BRAP: variants seen among roughly 807,000 people sequenced by gnomAD.
The protein encoded by BRAP is BRCA1-associated protein.
In BRAP, 42 loss-of-function variants were observed where a neutral mutation model predicts 73.4. The ratio of observed to expected loss-of-function variants is 0.57; its 90% confidence interval spans 0.45 to 0.74. BRAP has a LOEUF of 0.74. Ranked by LOEUF, BRAP falls within the 30% of genes least tolerant of loss-of-function variation. The pLI is 0.00. For missense variants in BRAP, 593 were observed against 751.4 expected (o/e 0.79, Z 2.46); for synonymous variants, 255 against 267.4 (o/e 0.95, Z 0.45).
rs1886901422 is a variant in BRAP, at chr12:111,665,385, T to TC, written c.896+253dup. On this transcript the variant is annotated intron_variant, in intron 6 of 11. Transcript: ENST00000419234. This position sits in a 1 kb window ranked among gnomAD's most constrained non-coding sequence, Gnocchi z 4.3. ...TCAAACTAAGCTTTGCTTTTTTTTTTCACTCTCTGGCTCTTGGAAGGAAAG... is the reference window on the plus strand; with the variant it reads ...TCAAACTAAGCTTTGCTTTTTTTTTTCCACTCTCTGGCTCTTGGAAGGAAAG... Among the ~76,000 whole-genome samples the TC allele has an allele frequency of 6.6e-6, 1 of 152,126 alleles. No individual in the cohort carries two copies. The highest frequency in any genetic ancestry group is 1.5e-5 in the Non-Finnish European group (1 of 68,028).
intron 2 of BRAP, among the ~76,000 whole-genome samples, chr12:111,682,590 G>T (rs1438704765): frequency 6.6e-6 from 1 of 151,296 alleles, no homozygotes; most frequent in East Asian, 1.9e-4. Flanking sequence ...ACACATTAAT[G>T]ATCTGCCACT....
Position 111,658,303 on chromosome 12 carries a change from A to AT in BRAP, c.1221+432dup, listed in dbSNP as rs113348013. On this transcript the variant is annotated intron_variant, in intron 9 of 11. Coordinates refer to ENST00000419234, the MANE Select transcript of BRAP (RefSeq NM_006768.5). ...TAACACCTCACAGCAATGACCAAACATTTTTTTTTTTTTTGAGACAGAGTT... is the reference window on the plus strand; with the variant it reads ...TAACACCTCACAGCAATGACCAAACATTTTTTTTTTTTTTTGAGACAGAGTT... Among the ~76,000 whole-genome samples, 336 of 141,630 alleles carry AT rather than the reference A, an allele frequency of 2.4e-3. 1 individual carries two copies. Among genetic ancestry groups the AT allele is most frequent in the South Asian group, 6.5e-3 (29 of 4,484 alleles). 92.9% of individuals were successfully genotyped at this position (141,630 alleles called of 152,430 possible). A position where few individuals can be genotyped will look rare whatever the true frequency, so the allele number is the denominator to read the frequency against.
intron 4 of BRAP, among the ~76,000 whole-genome samples, chr12:111,673,891 C>A (rs574815701): frequency 6.6e-6 from 1 of 152,280 alleles, no homozygotes; most frequent in Non-Finnish European, 1.5e-5. Flanking sequence ...TCTAGTCTAG[C>A]CTTAGTAGCA....
intron 11 of BRAP, among the ~76,000 whole-genome samples, chr12:111,646,007 C>G (rs1164113497): frequency 6.6e-6 from 1 of 151,688 alleles, no homozygotes; most frequent in Admixed American, 6.6e-5. Context: ...CAACCCATAC[C>G]ATCTGAGACC....
At chr12:111,654,156 A>G (rs987996749) in intron 10 of BRAP, among the ~76,000 whole-genome samples, 1 of 152,224 alleles carries the variant, frequency 6.6e-6, no homozygotes, top group Non-Finnish European at 1.5e-5. Context: ...CAACGAGAGC[A>G]TTGGGAGGTG....
In BRAP at chr12:111,679,345, CAAAA is replaced by C. The variant is rs753484325; in HGVS notation, c.444-9_444-6del. 1.5e-6 allele frequency: 2 copies of C among 1,336,708 alleles called. No homozygotes were observed. Among genetic ancestry groups the C allele is most frequent in the East Asian group, 5.5e-5 (2 of 36,544 alleles). The allele number at this position is 1,336,708 out of a possible 1,614,324, so 82.8% of individuals were successfully genotyped here. A position where few individuals can be genotyped will look rare whatever the true frequency, so the allele number is the denominator to read the frequency against. On this transcript the variant is annotated splice_region_variant and splice_polypyrimidine_tract_variant and intron_variant, in intron 3 of 11. Coordinates refer to ENST00000419234, the MANE Select transcript of BRAP (RefSeq NM_006768.5). ...TCTTTTAAGGAGGTCATCTTACTAACAAAAAAAAAATTAGAGTGTCTTGAATAGA... is the reference window on the plus strand; with the variant it reads ...TCTTTTAAGGAGGTCATCTTACTAACAAAAAATTAGAGTGTCTTGAATAGA...
At chr12:111,675,697 G>A (rs1382472686) in intron 4 of BRAP, among the ~76,000 whole-genome samples, 1 of 151,612 alleles carries the variant, frequency 6.6e-6, no homozygotes, top group Non-Finnish European at 1.5e-5. Flanking sequence ...TTTCCCTCTA[G>A]TCCTTTGGTT....
rs1370873423 is a variant in BRAP, at chr12:111,665,840, A to G, written c.748-53T>C. On this transcript the variant is annotated intron_variant, in intron 5 of 11. Transcript: ENST00000419234. The surrounding 1 kb of genome is among the most constrained non-coding windows in gnomAD (Gnocchi z 4.3). Reference sequence around the variant, plus strand: ...ACTCTTCATCTACCAGCAATACTTTATTTTTCCTTCTTTTTTCTGAGACAG... The same window carrying G: ...ACTCTTCATCTACCAGCAATACTTTGTTTTTCCTTCTTTTTTCTGAGACAG... 4 of 1,605,496 alleles carry G rather than the reference A, an allele frequency of 2.5e-6. No homozygotes were observed. The highest frequency in any genetic ancestry group is 3.4e-6 in the Non-Finnish European group (4 of 1,173,066).
chr12:111,661,279 GTTTTTTT>G (rs144136043), intron 6 of BRAP, among the ~76,000 whole-genome samples: 1 of 119,012 alleles, frequency 8.4e-6, no homozygotes, highest in African/African-American at 3.1e-5. Context: ...CTCCCAGCTT[GTTTTTTT>G]TTTTTTTTTT....
intron 1 of BRAP, among the ~76,000 whole-genome samples, chr12:111,684,313 G>A (rs2135933932): frequency 6.6e-6 from 1 of 152,240 alleles, no homozygotes; most frequent in East Asian, 1.9e-4. Flanking sequence ...TATCAATTTA[G>A]CTGACTCTCA....
intron 4 of BRAP, among the ~76,000 whole-genome samples, chr12:111,676,016 A>T (rs1887364531): frequency 6.6e-6 from 1 of 152,124 alleles, no homozygotes; most frequent in Non-Finnish European, 1.5e-5. Flanking sequence ...ACAAATTGGT[A>T]AGCACACCCC....
intron 2 of BRAP, among the ~76,000 whole-genome samples, chr12:111,682,858 C>G (rs1887657272): frequency 6.6e-6 from 1 of 151,962 alleles, no homozygotes; most frequent in South Asian, 2.1e-4. Context: ...GTTGTAATGA[C>G]CCGACATTGC....
chr12:111,644,250 C>A lies in BRAP; in HGVS notation c.1728G>T (p.Gly576=), dbSNP rs1358626520. ...TCCTGGAGGGCAACTTCCCACTGCC[C>A]CCCGAAGAGGCAGGGCTCGAGGCCG... ...MASASSPASS[G]GSGKLPSRKG... Residue 576 remains glycine (G), a synonymous_variant, in exon 12 of 12, where the codon GGG becomes GGT. Transcript: ENST00000419234. The A allele has an allele frequency of 6.2e-6, 10 of 1,613,914 alleles. No individual in the cohort carries two copies. The highest frequency in any genetic ancestry group is 8.5e-6 in the Non-Finnish European group (10 of 1,180,024).
chr12:111,671,600 G>A (rs1314594201), intron 5 of BRAP, among the ~76,000 whole-genome samples: 1 of 147,144 alleles, frequency 6.8e-6, no homozygotes, highest in Non-Finnish European at 1.5e-5. Context: ...GCTCACACTT[G>A]TAATCCCAGC....
intron 11 of BRAP, among the ~76,000 whole-genome samples, chr12:111,646,036 C>A (rs1278105106): frequency 6.6e-6 from 1 of 151,762 alleles, no homozygotes; most frequent in Admixed American, 6.6e-5. Context: ...TGGCTCATGT[C>A]TGTAATCCCA....
chr12:111,653,866 C>A (rs886704848), intron 10 of BRAP, among the ~76,000 whole-genome samples: 1 of 152,190 alleles, frequency 6.6e-6, no homozygotes, highest in Non-Finnish European at 1.5e-5. Context: ...CTTTTAAGCA[C>A]CCCAAGCGTT....
chr12:111,679,192 TAG>T lies in BRAP; in HGVS notation c.590_591del (p.Ser197TyrfsTer16). 6.2e-7 allele frequency: 1 copy of T among 1,605,808 alleles called. No individual in the cohort carries two copies. The highest frequency in any genetic ancestry group is 8.5e-7 in the Non-Finnish European group (1 of 1,175,274). ...ATCAGCACCATATATTGGTTGGGAG[TAG>T]AGTCTCTGATAATTTTCATTTGTTC... is the stretch of plus-strand genomic sequence containing the variant. ...VIEQMKIIRDSTPNQYMVLIK... is the reference protein window; with the variant it reads ...VIEQMKIIRDXTPNQYMVLIK... On this transcript the variant is annotated frameshift_variant, in exon 4 of 12. Transcript: ENST00000419234. LOFTEE classifies it high-confidence loss of function.
At chr12:111,651,730 C>T (rs1040378589) in intron 10 of BRAP, among the ~76,000 whole-genome samples, 3 of 149,190 alleles carry the variant, frequency 2.0e-5, no homozygotes, top group Non-Finnish European at 3.0e-5. Flanking sequence ...CTCCAACTCC[C>T]GGGTTCAAGC....
intron 10 of BRAP, among the ~76,000 whole-genome samples, chr12:111,652,151 T>C (rs1324558524): frequency 6.6e-6 from 1 of 152,180 alleles, no homozygotes; most frequent in Non-Finnish European, 1.5e-5. Flanking sequence ...ACTGTACATG[T>C]CTTGGACAGT....
Sources: gnomAD v4.1 joint callset for allele counts (sites outside exome capture counted in the v4.1 genomes callset) on GRCh38, gnomAD v4.1.1 for gene constraint, Gnocchi (gnomAD v3.1) non-coding constraint, MANE v1.5 for transcripts, NCBI Gene and HGNC (gene_info 2026-07-23, HGNC 2026-07-21) for gene names.